SORCS3: variants seen among roughly 807,000 people sequenced by gnomAD.
SORCS3 encodes VPS10 domain-containing receptor SorCS3.
In SORCS3, 57 loss-of-function variants were observed where a neutral mutation model predicts 146.3. That is an observed-to-expected ratio of 0.39 (90% CI 0.31 to 0.49). The LOEUF is 0.49. SORCS3 is among the 20% of genes least tolerant of loss of function. The pLI is 0.92. For missense variants in SORCS3, 1,341 were observed against 1,575.5 expected (o/e 0.85, Z 2.52); for synonymous variants, 653 against 618.5 (o/e 1.06, Z -0.83).
intron 2 of SORCS3, among the ~76,000 whole-genome samples, chr10:104,897,631 T>C (rs1306416034): frequency 6.6e-6 from 1 of 152,264 alleles, no homozygotes; most frequent in South Asian, 2.1e-4. Context: ...GACTTTCTCA[T>C]ACATTTATAG....
intron 1 of SORCS3, among the ~76,000 whole-genome samples, chr10:104,727,427 C>A (rs947498583): frequency 9.9e-5 from 15 of 152,072 alleles, no homozygotes; most frequent in African/African-American, 3.6e-4. Flanking sequence ...CGTCTTCCCT[C>A]CTTCCTATCC....
At chr10:104,666,888 A>T (rs1286269833) in intron 1 of SORCS3, among the ~76,000 whole-genome samples, 1 of 152,150 alleles carries the variant, frequency 6.6e-6, no homozygotes. Context: ...CTATTGGATC[A>T]GAGAGGTTAA....
At chr10:105,195,626 C>T (rs1165128361) in intron 14 of SORCS3, among the ~76,000 whole-genome samples, 8 of 152,148 alleles carry the variant, frequency 5.3e-5, no homozygotes, top group African/African-American at 1.7e-4. Context: ...TGATATTGAA[C>T]AGAATTAGGG....
At chr10:104,970,841 T>A (rs1254370169) in intron 3 of SORCS3, among the ~76,000 whole-genome samples, 1 of 150,190 alleles carries the variant, frequency 6.7e-6, no homozygotes, top group Non-Finnish European at 1.5e-5. Context: ...AATACTAATA[T>A]ATGCTCTGGG....
intron 2 of SORCS3, among the ~76,000 whole-genome samples, chr10:104,873,289 C>G (rs1349976517): frequency 1.3e-5 from 2 of 152,176 alleles, no homozygotes; most frequent in African/African-American, 4.8e-5. Context: ...TTCATTCTTC[C>G]TTACTGGCTG....
At chr10:104,675,294 T>C (rs1391896831) in intron 1 of SORCS3, among the ~76,000 whole-genome samples, 1 of 152,232 alleles carries the variant, frequency 6.6e-6, no homozygotes, top group Admixed American at 6.5e-5. Flanking sequence ...CATTTTATAT[T>C]GCATTGTCTA....
At chr10:104,906,638 A>G (rs1237028616) in intron 2 of SORCS3, among the ~76,000 whole-genome samples, 1 of 152,176 alleles carries the variant, frequency 6.6e-6, no homozygotes, top group African/African-American at 2.4e-5. Flanking sequence ...GGCTCCACAG[A>G]CTGGATTTGA....
chr10:104,742,151 G>A (rs570586607), intron 1 of SORCS3, among the ~76,000 whole-genome samples: 1 of 152,212 alleles, frequency 6.6e-6, no homozygotes, highest in Middle Eastern at 3.4e-3. Context: ...CCAGGTGAGG[G>A]TGGAAGTTAG....
chr10:105,006,144 G>T (rs2133677135), intron 4 of SORCS3, among the ~76,000 whole-genome samples: 1 of 152,244 alleles, frequency 6.6e-6, no homozygotes, highest in South Asian at 2.1e-4. Context: ...GTTTCACCAT[G>T]TTGGCAAGGC....
rs139286319 is a variant in SORCS3, at chr10:104,772,226, C to T, written c.628-70566C>T. Among the ~76,000 whole-genome samples the T allele has an allele frequency of 2.7e-3, 398 of 148,664 alleles. 2 individuals carry two copies. Among genetic ancestry groups the T allele is most frequent in the Admixed American group, 5.5e-3 (81 of 14,710 alleles). Reference sequence around the variant, plus strand: ...TTCTAGGGGACTGGTGGGGTGGTGGCAGGGGATTGTGCAGCAGGGGTGGGT... The same window carrying T: ...TTCTAGGGGACTGGTGGGGTGGTGGTAGGGGATTGTGCAGCAGGGGTGGGT... On this transcript the variant is annotated intron_variant, in intron 1 of 26. Coordinates refer to ENST00000369701, the MANE Select transcript of SORCS3 (RefSeq NM_014978.3).
intron 5 of SORCS3, among the ~76,000 whole-genome samples, chr10:105,074,114 A>G (rs910782242): frequency 2.0e-5 from 3 of 152,222 alleles, no homozygotes; most frequent in African/African-American, 7.2e-5. Context: ...GATATAAAGA[A>G]ATAAGGTGCC....
chr10:105,103,888 T>C (rs1171403333), intron 6 of SORCS3, among the ~76,000 whole-genome samples: 3 of 152,224 alleles, frequency 2.0e-5, no homozygotes, highest in Non-Finnish European at 4.4e-5. Context: ...TAGCTACATA[T>C]ATGAGTAAAC....
chr10:104,923,087 C>T (rs2019103263), intron 3 of SORCS3, among the ~76,000 whole-genome samples: 2 of 152,172 alleles, frequency 1.3e-5, no homozygotes, highest in Admixed American at 1.3e-4. Flanking sequence ...TTATATAGGC[C>T]ACTTCCCTCC....
At chr10:104,683,094 G>C (rs930394746) in intron 1 of SORCS3, among the ~76,000 whole-genome samples, 1 of 152,212 alleles carries the variant, frequency 6.6e-6, no homozygotes, top group Admixed American at 6.5e-5. Context: ...AAATGTCCTA[G>C]GAGTAGGGAC....
chr10:104,729,606 A>T (rs1426469651), intron 1 of SORCS3, among the ~76,000 whole-genome samples: 1 of 152,236 alleles, frequency 6.6e-6, no homozygotes, highest in Non-Finnish European at 1.5e-5. Context: ...GCTAGGTTTT[A>T]TCCTTGCATT....
chr10:104,810,073 C>A (rs1442272879), intron 1 of SORCS3, among the ~76,000 whole-genome samples: 2 of 152,112 alleles, frequency 1.3e-5, no homozygotes, highest in East Asian at 1.9e-4. Flanking sequence ...TTAAGCAGAG[C>A]CATATGCCAC....
At chr10:104,982,874 A>G (rs2054939626) in intron 4 of SORCS3, among the ~76,000 whole-genome samples, 1 of 152,208 alleles carries the variant, frequency 6.6e-6, no homozygotes, top group Admixed American at 6.5e-5. Context: ...ACTTGTATTC[A>G]GTGAGAGAAG....
chr10:105,113,406 A>T (rs941566814), intron 7 of SORCS3, among the ~76,000 whole-genome samples: 6 of 152,182 alleles, frequency 3.9e-5, no homozygotes, highest in African/African-American at 1.4e-4. Flanking sequence ...AACCTTGGTA[A>T]CCTCTTTATA....
intron 7 of SORCS3, among the ~76,000 whole-genome samples, chr10:105,120,603 T>C (rs2055925550): frequency 1.3e-5 from 2 of 152,168 alleles, no homozygotes; most frequent in South Asian, 4.1e-4. Context: ...TATAAATTAC[T>C]AAGACTTGTT....
Sources: allele counts gnomAD v4.1 joint callset (sites outside exome capture counted in the v4.1 genomes callset), GRCh38; gene constraint gnomAD v4.1.1; transcripts MANE v1.5; gene names NCBI Gene and HGNC (gene_info 2026-07-23, HGNC 2026-07-21).